The following PLPPR5 variants were observed in gnomAD, a reference collection of about 807,000 sequenced individuals.
PLPPR5 encodes the protein phospholipid phosphatase related 5, also known as phospholipid phosphatase-related protein type 5.
A neutral mutation model predicts 33.9 loss-of-function variants in PLPPR5; 16 were observed. The observed-to-expected ratio is 0.47, with a 90% CI of 0.32 to 0.72. The LOEUF (loss-of-function observed/expected upper bound fraction) is 0.72. PLPPR5 is among the 30% of genes least tolerant of loss of function. The pLI is 0.03. For missense variants in PLPPR5, 301 were observed against 406.7 expected, an observed-to-expected ratio of 0.74 and a Z score of 2.23; for synonymous variants, 163 against 150.3, an observed-to-expected ratio of 1.08 and a Z score of -0.62.
At chr1:98,923,891 C>T (rs1649661075) in intron 3 of PLPPR5, among the ~76,000 whole-genome samples, 1 of 152,212 alleles carries the variant, frequency 6.6e-6, no homozygotes, top group South Asian at 2.1e-4. Context: ...TATCACATCA[C>T]TTCAGGTTTC....
At chr1:98,957,553 T>A (rs1204410083) in intron 1 of PLPPR5, among the ~76,000 whole-genome samples, 1 of 152,058 alleles carries the variant, frequency 6.6e-6, no homozygotes, top group African/African-American at 2.4e-5. Context: ...AGATTCTCCA[T>A]GCAAATATTT....
intron 3 of PLPPR5, among the ~76,000 whole-genome samples, chr1:98,935,240 G>T (rs1650133664): frequency 1.3e-5 from 2 of 152,192 alleles, no homozygotes; most frequent in Admixed American, 1.3e-4. Context: ...CATCCTTGAA[G>T]CCAGGTCCGC....
intron 3 of PLPPR5, among the ~76,000 whole-genome samples, chr1:98,938,833 G>A (rs561584491): frequency 3.3e-5 from 5 of 152,222 alleles, no homozygotes; most frequent in African/African-American, 1.2e-4. Context: ...AAGGAACATG[G>A]ATGGAGCTGG....
chr1:98,952,262 C>CAAAAAAAAAAAAAAAAAA (rs779701945), intron 3 of PLPPR5, among the ~76,000 whole-genome samples: 1 of 113,058 alleles, frequency 8.8e-6, no homozygotes, highest in African/African-American at 3.1e-5. Context: ...GACTCCGTCT[C>CAAAAAAAAAAAAAAAAAA]AGAAAAAAAA....
chr1:98,947,754 T>C (rs1368763984), intron 3 of PLPPR5, among the ~76,000 whole-genome samples: 2 of 152,294 alleles, frequency 1.3e-5, no homozygotes, highest in East Asian at 3.9e-4. Flanking sequence ...CAATAACACT[T>C]AGCTGAAGGC....
At chr1:98,959,843 G>T (rs1277103074) in intron 1 of PLPPR5, among the ~76,000 whole-genome samples, 1 of 152,136 alleles carries the variant, frequency 6.6e-6, no homozygotes, top group Non-Finnish European at 1.5e-5. Context: ...TGTCACTGTG[G>T]GTAGAGAAGG....
In PLPPR5 at chr1:98,915,630, C is replaced by A. The variant is rs887188443; in HGVS notation, c.799-710G>T. Among the ~76,000 whole-genome samples, 3 of 151,728 alleles carry A rather than the reference C, an allele frequency of 2.0e-5. No homozygotes were observed. In the East Asian group the frequency reaches 5.8e-4, roughly 29 times the overall value. ...TAAAAAAAAAGAAAAGAAAATTGAC[C>A]CTTGTTTCAATGGATTATATCTCAC... On this transcript the variant is annotated intron_variant, in intron 4 of 5. Coordinates refer to ENST00000263177, the MANE Select transcript of PLPPR5 (RefSeq NM_001037317.2).
intron 1 of PLPPR5, among the ~76,000 whole-genome samples, chr1:98,973,170 G>C (rs142364355): frequency 6.6e-6 from 1 of 152,008 alleles, no homozygotes; most frequent in Non-Finnish European, 1.5e-5. Context: ...ATCTAAGTCC[G>C]AGTTTTCTGT....
chr1:98,955,471 C>T (rs1310934278), intron 2 of PLPPR5, among the ~76,000 whole-genome samples: 1 of 151,974 alleles, frequency 6.6e-6, no homozygotes, highest in Non-Finnish European at 1.5e-5. Flanking sequence ...GTCAAGAACA[C>T]AGTATTGATA....
chr1:98,897,042 T>G (rs1321884955), intron 5 of PLPPR5, among the ~76,000 whole-genome samples: 1 of 152,174 alleles, frequency 6.6e-6, no homozygotes, highest in African/African-American at 2.4e-5. Context: ...TAATGGCTTC[T>G]TAGTTAAGGA....
intron 3 of PLPPR5, among the ~76,000 whole-genome samples, chr1:98,923,208 T>C (rs1269953497): frequency 6.6e-6 from 1 of 152,232 alleles, no homozygotes; most frequent in Non-Finnish European, 1.5e-5. Context: ...GCTCAACTGC[T>C]CATAAGTTTA....
rs1488331810 is a variant in PLPPR5, at chr1:99,002,844, T to A, written c.237+1591A>T. 1.1e-4 allele frequency among the ~76,000 whole-genome samples: 16 copies of A among 151,964 alleles called. 1 individual carries two copies. Reference sequence around the variant, plus strand: ...CAATGAGCTGAAAGTGACAGGCTCTTCCTTTTTCTTTAAAACAATCCTTGA... The same window carrying A: ...CAATGAGCTGAAAGTGACAGGCTCTACCTTTTTCTTTAAAACAATCCTTGA... On this transcript the variant is annotated intron_variant, in intron 1 of 5. Coordinates refer to ENST00000263177, the MANE Select transcript of PLPPR5 (RefSeq NM_001037317.2).
intron 3 of PLPPR5, among the ~76,000 whole-genome samples, chr1:98,951,318 A>G (rs568263811): frequency 6.6e-6 from 1 of 152,206 alleles, no homozygotes; most frequent in African/African-American, 2.4e-5. Context: ...ACCATACCTC[A>G]TATCAGGCCC....
chr1:99,002,330 A>T (rs891623933), intron 1 of PLPPR5, among the ~76,000 whole-genome samples: 1 of 152,200 alleles, frequency 6.6e-6, no homozygotes. Context: ...AGAAAAATCT[A>T]TCCACTTATA....
rs193073257 is a variant in PLPPR5, at chr1:98,914,678, C to T, written c.933+108G>A. The T allele has an allele frequency of 9.9e-5, 98 of 987,208 alleles. No individual in the cohort carries two copies. In the Admixed American group the frequency reaches 2.6e-3, roughly 27 times the overall value. 61.2% of individuals were successfully genotyped at this position (987,208 alleles called of 1,614,324 possible). ...TAAATTCTTGCTAAATATCACATTA[C>T]ACTAAGTAAATCAACATAAACTGTG... On this transcript the variant is annotated intron_variant, in intron 5 of 5. Coordinates refer to ENST00000263177, the MANE Select transcript of PLPPR5 (RefSeq NM_001037317.2).
chr1:99,001,669 A>AAG (rs1553173318), intron 1 of PLPPR5, among the ~76,000 whole-genome samples: 34 of 64,342 alleles, frequency 5.3e-4, no homozygotes, highest in African/African-American at 1.4e-3. Context: ...TTGAAAGTTA[A>AAG]AGATATATAT....
chr1:98,895,395 C>T (rs1648435890), intron 5 of PLPPR5, among the ~76,000 whole-genome samples: 1 of 151,948 alleles, frequency 6.6e-6, no homozygotes, highest in South Asian at 2.1e-4. Flanking sequence ...CATAAATTAC[C>T]CAGATTGTGG....
chr1:98,914,034 C>A (rs1350568176), intron 5 of PLPPR5, among the ~76,000 whole-genome samples: 1 of 152,146 alleles, frequency 6.6e-6, no homozygotes, highest in Non-Finnish European at 1.5e-5. Flanking sequence ...GACCTTTGTG[C>A]ACTGAGATTC....
At chr1:98,909,859 C>T (rs1528032) in intron 5 of PLPPR5, among the ~76,000 whole-genome samples, 39,608 of 152,014 alleles carry the variant, frequency 0.26, 5,385 homozygotes, top group Middle Eastern at 0.32. Flanking sequence ...TGGGATGCAA[C>T]GGGCCAGTTT....
Sources: allele counts gnomAD v4.1 joint callset (sites outside exome capture counted in the v4.1 genomes callset), GRCh38; gene constraint gnomAD v4.1.1; transcripts MANE v1.5; gene names NCBI Gene and HGNC (gene_info 2026-07-23, HGNC 2026-07-21).